Variants in TBC1D9 observed in about 807,000 individuals in gnomAD.
The protein encoded by TBC1D9 is TBC1 domain family member 9.
In TBC1D9, 63 loss-of-function variants were observed where a neutral mutation model predicts 132.0. The ratio of observed to expected loss-of-function variants is 0.48; its 90% CI spans 0.39 to 0.59. The LOEUF is 0.59. TBC1D9 is among the 20% of genes least tolerant of loss of function. The pLI, the probability that TBC1D9 is intolerant of heterozygous loss-of-function variation, is 0.00. For missense variants in TBC1D9, 1,261 were observed against 1,592.7 expected (o/e 0.79, Z 3.54); for synonymous variants, 610 against 609.9 (o/e 1.00, Z 0.00).
At position 140,647,133 on chromosome 4, in the gene TBC1D9, CT is replaced by C. The variant is rs1392867128; in HGVS notation, c.2338-7706del. ...GCCTGTGATCAATAAAAAACACTAGCTGTGAGACAGAAGGAAAGACAGTTTT... is the reference window on the plus strand; with the variant it reads ...GCCTGTGATCAATAAAAAACACTAGCGTGAGACAGAAGGAAAGACAGTTTT... On this transcript the variant is annotated intron_variant, in intron 13 of 20. Transcript: ENST00000442267. 3.3e-5 allele frequency among the ~76,000 whole-genome samples: 5 copies of C among 152,330 alleles called. No individual in the cohort carries two copies. In the East Asian group the frequency reaches 9.6e-4, roughly 29 times the overall value.
chr4:140,670,767 A>G lies in TBC1D9; in HGVS notation c.1219T>C (p.Tyr407His), dbSNP rs1452404543. ...DFLQQTTSKI[Y>H]SDKEFAGSYN... ...CTTCCTGCAAACTCCTTGTCAGAAT[A>G]TATTTTGGAAGTAGTCTGTTGCAGG... The change falls in exon 7 of 21, where the codon TAT (tyrosine) becomes CAT (histidine). Residue 407 changes from tyrosine to histidine, a missense_variant. Around this residue, in one of 3 missense-constraint regions of TBC1D9, gnomAD observed 550 missense variants for 699.0 expected, o/e 0.79. Coordinates refer to ENST00000442267, the MANE Select transcript of TBC1D9 (RefSeq NM_015130.3). 6.2e-7 allele frequency: 1 copy of G among 1,613,886 alleles called. No homozygotes were observed. The highest frequency in any genetic ancestry group is 8.5e-7 in the Non-Finnish European group (1 of 1,179,900).
chr4:140,718,003 A>G (rs187109408), intron 1 of TBC1D9, among the ~76,000 whole-genome samples: 2 of 152,304 alleles, frequency 1.3e-5, no homozygotes, highest in Admixed American at 1.3e-4. Context: ...ATAGGTAGAA[A>G]GCTCTGTATT....
chr4:140,629,574 A>G (rs1736760103), intron 16 of TBC1D9, among the ~76,000 whole-genome samples: 1 of 152,140 alleles, frequency 6.6e-6, no homozygotes. Flanking sequence ...AGATCTTTCC[A>G]ATTTTTTCAA....
rs1195603009 is a variant in TBC1D9 at position 140,621,144 on chromosome 4, CA to C, written c.*1050del. ...CATACTATTCTTTTATATAAAGTGA[CA>C]AGTTCTGTTTTTAAAACATTCAGTT... On this transcript the variant is annotated 3_prime_UTR_variant, in exon 21 of 21. Transcript: ENST00000442267. The C allele has an allele frequency of 6.6e-6, 1 of 152,616 alleles. No individual in the cohort carries two copies. Among genetic ancestry groups the C allele is most frequent in the Non-Finnish European group, 1.5e-5 (1 of 68,024 alleles). The allele number at this position is 152,616 out of a possible 1,614,324, so 9.5% of individuals were successfully genotyped here.
chr4:140,733,797 G>C (rs1179642880), intron 1 of TBC1D9, among the ~76,000 whole-genome samples: 1 of 152,114 alleles, frequency 6.6e-6, no homozygotes, highest in Non-Finnish European at 1.5e-5. Context: ...CATTTCCAAA[G>C]AAATAAGCAA....
chr4:140,641,223 TG>T (rs1250182931), intron 13 of TBC1D9, among the ~76,000 whole-genome samples: 7 of 151,994 alleles, frequency 4.6e-5, no homozygotes. Flanking sequence ...CATGGTTGGA[TG>T]GACAGTGATA....
At chr4:140,683,807 T>G (rs1191565108) in intron 3 of TBC1D9, among the ~76,000 whole-genome samples, 1 of 152,264 alleles carries the variant, frequency 6.6e-6, no homozygotes, top group Non-Finnish European at 1.5e-5. Flanking sequence ...CTAAGGTCTA[T>G]TAAAAATACT....
At chr4:140,679,936 A>T (rs74921382) in intron 3 of TBC1D9, 93 bp from the exon 4 acceptor site, 1 of 715,916 alleles carries the variant, frequency 1.4e-6, no homozygotes. Context: ...GGCTAGAATT[A>T]AAAAAAAAAA....
At chr4:140,699,187 A>G (rs1578846235) in intron 2 of TBC1D9, among the ~76,000 whole-genome samples, 1 of 152,344 alleles carries the variant, frequency 6.6e-6, no homozygotes, top group East Asian at 1.9e-4. Flanking sequence ...ATAAATAGGC[A>G]TGAGTCTATA....
At chr4:140,671,684 G>C (rs897024849) in intron 6 of TBC1D9, among the ~76,000 whole-genome samples, 7 of 145,854 alleles carry the variant, frequency 4.8e-5, no homozygotes. Flanking sequence ...CTGTGTGTGT[G>C]TGTGTGTGTG....
At chr4:140,654,830 A>C (rs925396877) in intron 13 of TBC1D9, among the ~76,000 whole-genome samples, 11 of 152,056 alleles carry the variant, frequency 7.2e-5, no homozygotes, top group African/African-American at 2.4e-4. Flanking sequence ...TAATTTTTTT[A>C]ATCCAAACTT....
intron 3 of TBC1D9, among the ~76,000 whole-genome samples, chr4:140,681,981 TA>T (rs2111020680): frequency 6.6e-6 from 1 of 152,276 alleles, no homozygotes; most frequent in Admixed American, 6.5e-5. Flanking sequence ...ATTCCAAAGA[TA>T]AAAAGAATGT....
At chr4:140,701,776 C>T (rs1276521728) in intron 1 of TBC1D9, among the ~76,000 whole-genome samples, 162 bp from the exon 2 acceptor site, 1 of 152,210 alleles carries the variant, frequency 6.6e-6, no homozygotes, top group Non-Finnish European at 1.5e-5. Context: ...GCTGGCTCTA[C>T]ACAAGTTGCA....
At chr4:140,732,374 C>A (rs1021194019) in intron 1 of TBC1D9, among the ~76,000 whole-genome samples, 1 of 152,112 alleles carries the variant, frequency 6.6e-6, no homozygotes, top group African/African-American at 2.4e-5. Context: ...TAATGGATAT[C>A]TTTGGGCAGT....
chr4:140,668,791 G>A, intron 9 of TBC1D9, 126 bp downstream of exon 9: 1 of 965,236 alleles, frequency 1.0e-6, no homozygotes, highest in Non-Finnish European at 1.5e-6. Flanking sequence ...GAGGAAACAT[G>A]ATGTAGCTTT....
chr4:140,650,441 T>G (rs1737171067), intron 13 of TBC1D9, among the ~76,000 whole-genome samples: 1 of 152,232 alleles, frequency 6.6e-6, no homozygotes. Flanking sequence ...CACCCTTTCC[T>G]ACCACCTTCA....
chr4:140,721,198 A>G (rs1010059294), intron 1 of TBC1D9, among the ~76,000 whole-genome samples: 28 of 152,326 alleles, frequency 1.8e-4, no homozygotes, highest in African/African-American at 6.7e-4. Context: ...GCTTTGTTAC[A>G]AAAAGGCAGA....
chr4:140,670,962 C>A, intron 6 of TBC1D9, 36 bp from the exon 7 acceptor site: 1 of 1,589,724 alleles, frequency 6.3e-7, no homozygotes, highest in Non-Finnish European at 8.6e-7. Flanking sequence ...CATTATTTTC[C>A]AAGAATTACC....
At chr4:140,682,062 T>C (rs1423828643) in intron 3 of TBC1D9, among the ~76,000 whole-genome samples, 9 of 152,198 alleles carry the variant, frequency 5.9e-5, no homozygotes, top group Admixed American at 1.3e-4. Context: ...ATCCATGTTG[T>C]TGTTTTTCCA....
Sources: gnomAD v4.1 joint callset for allele counts (sites outside exome capture counted in the v4.1 genomes callset) on GRCh38, gnomAD v4.1.1 for gene constraint, gnomAD v4.1.1 regional missense constraint, MANE v1.5 for transcripts, NCBI Gene and HGNC (gene_info 2026-07-23, HGNC 2026-07-21) for gene names.